Variants in ST18 observed in about 807,000 individuals in gnomAD.
ST18 encodes the protein ST18 C2H2C-type zinc finger transcription factor.
In ST18, 50 loss-of-function variants were observed where a neutral mutation model predicts 110.0. The ratio of observed to expected loss-of-function variants is 0.45; its 90% CI spans 0.36 to 0.58. ST18 has a LOEUF of 0.58. Among genes scored for constraint, ST18 ranks in the 20% least tolerant of loss-of-function variants. The pLI is 0.00. For missense variants in ST18, 1,306 were observed against 1,280.1 expected (o/e 1.02, Z -0.31); for synonymous variants, 461 against 452.4 (o/e 1.02, Z -0.24).
At chr8:52,122,140 G>C (rs2130900814) in intron 23 of ST18, among the ~76,000 whole-genome samples, 1 of 152,234 alleles carries the variant, frequency 6.6e-6, no homozygotes, top group South Asian at 2.1e-4. Flanking sequence ...ACTGCGCCTA[G>C]CCTCCACTAA....
At chr8:52,307,217 G>A (rs1181130645) in intron 2 of ST18, among the ~76,000 whole-genome samples, 1 of 152,030 alleles carries the variant, frequency 6.6e-6, no homozygotes, top group Non-Finnish European at 1.5e-5. Context: ...CAATTCTAGA[G>A]CAAAAATTAT....
At chr8:52,144,753 C>G (rs980741839) in intron 16 of ST18, among the ~76,000 whole-genome samples, 2 of 152,108 alleles carry the variant, frequency 1.3e-5, no homozygotes, top group African/African-American at 4.8e-5. Flanking sequence ...TAATTCCACA[C>G]TAGGATGCAA....
chr8:52,219,710 T>C (rs1323283725), intron 5 of ST18, among the ~76,000 whole-genome samples: 2 of 152,062 alleles, frequency 1.3e-5, no homozygotes, highest in African/African-American at 2.4e-5. Context: ...CTGAGGGCCA[T>C]GTGTAGGCAC....
Position 52,180,115 on chromosome 8 carries a change from T to C in ST18, c.277+7A>G, listed in dbSNP as rs745606874. On this transcript the variant is annotated splice_region_variant and intron_variant, in intron 9 of 25. Coordinates refer to ENST00000689386, the MANE Select transcript of ST18 (RefSeq NM_001352837.2). Reference sequence around the variant, plus strand: ...GCAGGTAAAGTTTGGGCTCTCCTCCTTGCTACCTGCGGTAGAGTGACCATG... The same window carrying C: ...GCAGGTAAAGTTTGGGCTCTCCTCCCTGCTACCTGCGGTAGAGTGACCATG... 4.3e-6 allele frequency: 7 copies of C among 1,613,338 alleles called. No individual in the cohort carries two copies. The highest frequency in any genetic ancestry group is 4.2e-6 in the Non-Finnish European group (5 of 1,179,490).
At chr8:52,246,350 CAGAA>C (rs1185741814) in intron 2 of ST18, among the ~76,000 whole-genome samples, 5 of 151,880 alleles carry the variant, frequency 3.3e-5, no homozygotes, top group Admixed American at 6.6e-5. Context: ...TTTTAAAAAA[CAGAA>C]AGAAGAAAAC....
intron 19 of ST18, among the ~76,000 whole-genome samples, chr8:52,135,526 C>G (rs945497787): frequency 1.4e-5 from 2 of 142,522 alleles, no homozygotes; most frequent in African/African-American, 5.3e-5. Flanking sequence ...TGCCGTTGCA[C>G]TCCAGCCTGG....
intron 2 of ST18, among the ~76,000 whole-genome samples, chr8:52,374,794 T>C (rs1322324112): frequency 6.6e-6 from 1 of 152,200 alleles, no homozygotes; most frequent in Non-Finnish European, 1.5e-5. Flanking sequence ...TTTGGTTTTC[T>C]GTTCCTGCAA....
intron 2 of ST18, among the ~76,000 whole-genome samples, chr8:52,333,393 C>T (rs1810527121): frequency 6.6e-6 from 1 of 151,894 alleles, no homozygotes; most frequent in Non-Finnish European, 1.5e-5. Context: ...AGCAGGGGCA[C>T]CTATATTTAG....
intron 2 of ST18, among the ~76,000 whole-genome samples, chr8:52,261,968 C>A (rs934895263): frequency 6.6e-6 from 1 of 152,152 alleles, no homozygotes; most frequent in Non-Finnish European, 1.5e-5. Flanking sequence ...TTTTCTGTTG[C>A]TATAAGAGAA....
At chr8:52,319,973 A>G (rs1160765862) in intron 2 of ST18, among the ~76,000 whole-genome samples, 1 of 152,194 alleles carries the variant, frequency 6.6e-6, no homozygotes, top group Non-Finnish European at 1.5e-5. Context: ...GTCACATCAC[A>G]TCACTACAGC....
chr8:52,164,352 G>A (rs1461908036), intron 12 of ST18, among the ~76,000 whole-genome samples: 1 of 152,152 alleles, frequency 6.6e-6, no homozygotes, highest in African/African-American at 2.4e-5. Context: ...AATAACTAAA[G>A]CATTTGGAAA....
intron 8 of ST18, among the ~76,000 whole-genome samples, chr8:52,203,306 G>C (rs189089278): frequency 6.6e-6 from 1 of 152,132 alleles, no homozygotes; most frequent in Non-Finnish European, 1.5e-5. Flanking sequence ...GCTAATCAGG[G>C]AAACAGCCCC....
At chr8:52,322,757 C>T (rs1804561708) in intron 2 of ST18, among the ~76,000 whole-genome samples, 1 of 152,180 alleles carries the variant, frequency 6.6e-6, no homozygotes, top group African/African-American at 2.4e-5. Context: ...CTTCCCTTAT[C>T]ATCTGACTCA....
At chr8:52,265,855 C>A (rs1382245514) in intron 2 of ST18, among the ~76,000 whole-genome samples, 1 of 152,064 alleles carries the variant, frequency 6.6e-6, no homozygotes, top group Admixed American at 6.5e-5. Context: ...GATAAAGGGA[C>A]TGGATAAGAT....
At chr8:52,391,421 C>T (rs1839290789) in intron 2 of ST18, among the ~76,000 whole-genome samples, 1 of 152,150 alleles carries the variant, frequency 6.6e-6, no homozygotes, top group Non-Finnish European at 1.5e-5. Flanking sequence ...GGAGTGCAAA[C>T]AAATTGCCAT....
chr8:52,389,574 C>T (rs1233843246), intron 2 of ST18, among the ~76,000 whole-genome samples: 2 of 152,130 alleles, frequency 1.3e-5, no homozygotes, highest in Non-Finnish European at 2.9e-5. Flanking sequence ...CATGAGGCAG[C>T]GGGGAGGAAC....
intron 23 of ST18, among the ~76,000 whole-genome samples, chr8:52,121,349 G>A (rs2044730914): frequency 6.6e-6 from 1 of 152,150 alleles, no homozygotes; most frequent in Non-Finnish European, 1.5e-5. Context: ...AATCAGTGAA[G>A]GAACTAATGT....
intron 12 of ST18, among the ~76,000 whole-genome samples, chr8:52,164,556 C>T (rs966769257): frequency 1.3e-5 from 2 of 152,118 alleles, no homozygotes; most frequent in South Asian, 2.1e-4. Flanking sequence ...AGTACCTCAT[C>T]GCCACATAAT....
rs1833264568 is a variant in ST18, at chr8:52,378,490, T to C, written c.-465+30838A>G. Among the ~76,000 whole-genome samples the C allele has an allele frequency of 2.6e-5, 4 of 152,222 alleles. 1 individual carries two copies. Among genetic ancestry groups the C allele is most frequent in the Admixed American group, 1.3e-4 (2 of 15,284 alleles). ...GTGCTGAACCCCAAAGTAAGATGCA[T>C]GTGCACTGAAAATAACGTGTTTTAA... On this transcript the variant is annotated intron_variant, in intron 2 of 25. Transcript: ENST00000689386.
Sources: allele counts gnomAD v4.1 joint callset (sites outside exome capture counted in the v4.1 genomes callset), GRCh38; gene constraint gnomAD v4.1.1; transcripts MANE v1.5; gene names NCBI Gene and HGNC (gene_info 2026-07-23, HGNC 2026-07-21).